XKR9: variants seen among roughly 807,000 people sequenced by gnomAD.
XKR9 encodes the protein XK related 9.
XKR9 carries 32 observed loss-of-function variants against 32.0 expected under a neutral mutation model. The observed-to-expected ratio is 1.00, with a 90% CI of 0.76 to 1.34. The LOEUF (loss-of-function observed/expected upper bound fraction) is 1.34, where lower values mean the gene tolerates loss of function less well. Ranked by LOEUF, XKR9 falls within the 40% of genes most tolerant of loss-of-function variation. XKR9 has a pLI of 0.00. For synonymous variants in XKR9, 168 were observed against 143.4 expected, an observed-to-expected ratio of 1.17 and a Z score of -1.22; for missense variants, 546 against 429.7, an observed-to-expected ratio of 1.27 and a Z score of -2.39.
chr8:71,017,651 GGACA>G, the XKR9 span, among the ~76,000 whole-genome samples: 1 of 152,218 alleles, frequency 6.6e-6, no homozygotes, highest in Non-Finnish European at 1.5e-5. Context: ...TAAAGGATCA[GGACA>G]GACAGAGACT....
At chr8:71,048,775 A>AT in the XKR9 span, among the ~76,000 whole-genome samples, 3 of 152,184 alleles carry the variant, frequency 2.0e-5, no homozygotes, top group Non-Finnish European at 2.9e-5. Context: ...AATTGCTAGT[A>AT]TTTTTCTGAA....
At chr8:70,954,315 G>C in the XKR9 span, among the ~76,000 whole-genome samples, 11 of 152,114 alleles carry the variant, frequency 7.2e-5, no homozygotes, top group Non-Finnish European at 1.2e-4. Context: ...GGTTTTTAAG[G>C]AGGGCTAGGA....
At chr8:70,856,410 CAAG>C in the XKR9 span, among the ~76,000 whole-genome samples, 1 of 152,272 alleles carries the variant, frequency 6.6e-6, no homozygotes, top group Non-Finnish European at 1.5e-5. Context: ...ATCAATTCAA[CAAG>C]AAGAGCTAAC....
chr8:70,791,465 T>C (rs1807762975), downstream of XKR9, among the ~76,000 whole-genome samples: 1 of 152,146 alleles, frequency 6.6e-6, no homozygotes, highest in Non-Finnish European at 1.5e-5. Flanking sequence ...TATTAAGAAG[T>C]AGGACTTTTA....
At chr8:70,701,028 A>T (rs924379669) in intron 3 of XKR9, among the ~76,000 whole-genome samples, 1 of 152,158 alleles carries the variant, frequency 6.6e-6, no homozygotes, top group Admixed American at 6.5e-5. Context: ...CCGTTTTTTA[A>T]GCCCCTCGGA....
At chr8:70,721,242 A>G (rs1806271204) in intron 4 of XKR9, among the ~76,000 whole-genome samples, 1 of 152,016 alleles carries the variant, frequency 6.6e-6, no homozygotes, top group Non-Finnish European at 1.5e-5. Flanking sequence ...TAATCTTTTC[A>G]AAAAACCACC....
intron 2 of XKR9, among the ~76,000 whole-genome samples, chr8:70,740,948 G>T (rs533714254): frequency 6.6e-6 from 1 of 152,200 alleles, no homozygotes; most frequent in Admixed American, 6.5e-5. Context: ...CAGTCTGCCC[G>T]TTCTGAGATC....
At chr8:70,884,157 T>C in the XKR9 span, among the ~76,000 whole-genome samples, 1 of 152,208 alleles carries the variant, frequency 6.6e-6, no homozygotes, top group Non-Finnish European at 1.5e-5. Flanking sequence ...TGTGTTCTCA[T>C]ATGCTTGTTC....
At chr8:70,897,162 T>G in the XKR9 span, among the ~76,000 whole-genome samples, 1 of 152,170 alleles carries the variant, frequency 6.6e-6, no homozygotes, top group Non-Finnish European at 1.5e-5. Context: ...CTGGCTTATT[T>G]CACTTTACAT....
the XKR9 span, among the ~76,000 whole-genome samples, chr8:70,871,965 AT>A: frequency 7.2e-5 from 11 of 152,292 alleles, no homozygotes; most frequent in African/African-American, 2.6e-4. Context: ...AACTTTTCCA[AT>A]TTGGGACTTT....
chr8:70,821,726 A>G, the XKR9 span, among the ~76,000 whole-genome samples: 1 of 152,158 alleles, frequency 6.6e-6, no homozygotes, highest in African/African-American at 2.4e-5. Flanking sequence ...CTGAGCAGTA[A>G]ATTGGCCCTT....
At chr8:71,064,804 G>T in the XKR9 span, among the ~76,000 whole-genome samples, 2 of 152,092 alleles carry the variant, frequency 1.3e-5, no homozygotes, top group Admixed American at 6.6e-5. Flanking sequence ...CCAAGGGAAA[G>T]AATTGCAATA....
chr8:70,793,128 A>G (rs1807785267), downstream of XKR9, among the ~76,000 whole-genome samples: 1 of 152,090 alleles, frequency 6.6e-6, no homozygotes, highest in African/African-American at 2.4e-5. Context: ...TAGGCATTCA[A>G]ATTCATTCTT....
chr8:70,841,897 A>C, the XKR9 span, among the ~76,000 whole-genome samples: 1 of 152,198 alleles, frequency 6.6e-6, no homozygotes, highest in Non-Finnish European at 1.5e-5. Context: ...CTCTGTAATT[A>C]AGTATTTTGT....
chr8:70,977,369 A>C, the XKR9 span, among the ~76,000 whole-genome samples: 1 of 151,866 alleles, frequency 6.6e-6, no homozygotes, highest in East Asian at 1.9e-4. Flanking sequence ...TTTCTCTTGC[A>C]TTTCTCATAG....
intron 3 of XKR9, among the ~76,000 whole-genome samples, chr8:70,689,682 A>G (rs895516968): frequency 4.6e-5 from 7 of 152,134 alleles, no homozygotes; most frequent in East Asian, 1.9e-4. Context: ...GGCATAGTAC[A>G]TAACTATCAT....
At chr8:70,939,345 G>T in the XKR9 span, among the ~76,000 whole-genome samples, 13 of 152,086 alleles carry the variant, frequency 8.5e-5, no homozygotes, top group Non-Finnish European at 1.5e-4. Context: ...CTTCTGTGTT[G>T]AGTTAATGGA....
intron 2 of XKR9, among the ~76,000 whole-genome samples, chr8:70,772,015 T>C (rs1289266728): frequency 2.6e-5 from 4 of 152,232 alleles, no homozygotes; most frequent in Non-Finnish European, 5.9e-5. Flanking sequence ...TTTCCTGCCA[T>C]GTGTAATACA....
At chr8:70,715,639 A>G (rs1248528150) in intron 4 of XKR9, among the ~76,000 whole-genome samples, 1 of 152,166 alleles carries the variant, frequency 6.6e-6, no homozygotes, top group Non-Finnish European at 1.5e-5. Context: ...GAAAAAGTGA[A>G]TAAAAATAGC....
Sources: allele counts gnomAD v4.1 joint callset (sites outside exome capture counted in the v4.1 genomes callset), GRCh38; gene constraint gnomAD v4.1.1; transcripts MANE v1.5; gene names NCBI Gene and HGNC (gene_info 2026-07-23, HGNC 2026-07-21).